CYP7B1: variants seen among roughly 807,000 people sequenced by gnomAD.
CYP7B1 encodes cytochrome P450 7B1.
In CYP7B1, 29 loss-of-function variants were observed where a neutral mutation model predicts 42.7. The ratio of observed to expected loss-of-function variants is 0.68; its 90% CI spans 0.51 to 0.93. The LOEUF is 0.93. Among genes scored for constraint, CYP7B1 ranks in the 40% least tolerant of loss-of-function variants. CYP7B1 has a pLI of 0.00. For missense variants in CYP7B1, 655 were observed against 600.5 expected (o/e 1.09, Z -0.95); for synonymous variants, 235 against 218.2 (o/e 1.08, Z -0.68).
chr8:64,597,033 T>A, intron 5 of CYP7B1, 104 bp from the exon 6 acceptor site: 1 of 1,025,400 alleles, frequency 9.8e-7, no homozygotes, highest in Non-Finnish European at 1.4e-6. Context: ...AAGCTCCTTT[T>A]AATCAGGTGA....
intron 1 of CYP7B1, among the ~76,000 whole-genome samples, chr8:64,676,125 T>C (rs572643595): frequency 6.6e-6 from 1 of 152,250 alleles, no homozygotes; most frequent in East Asian, 1.9e-4. Context: ...ACCCATATCT[T>C]ACTTAATATT....
chr8:64,733,064 A>T (rs1807437298), intron 1 of CYP7B1: 1 of 154,098 alleles, frequency 6.5e-6, no homozygotes, highest in Non-Finnish European at 1.4e-5. Flanking sequence ...ATATTTGTAT[A>T]AGAGTCATAT....
chr8:64,667,483 T>C (rs1009691391), intron 1 of CYP7B1, among the ~76,000 whole-genome samples: 4 of 152,168 alleles, frequency 2.6e-5, no homozygotes, highest in Admixed American at 2.0e-4. Context: ...AAACAAATGC[T>C]TTGGGACCTG....
At chr8:64,643,126 T>TATACATATATAC (rs1239120557) in intron 1 of CYP7B1, among the ~76,000 whole-genome samples, 2 of 84,012 alleles carry the variant, frequency 2.4e-5, no homozygotes, top group Non-Finnish European at 4.6e-5. Flanking sequence ...TATACATATA[T>TATACATATATAC]ACATATATAT....
At position 64,741,620 on chromosome 8, in the gene CYP7B1, C is replaced by A. The variant is rs533193008; in HGVS notation, c.122+56846G>T. Reference sequence around the variant, plus strand: ...GGCATGAGCCATCGTGCCCAGCCCCCAAAAATTCTTAAACAAATAATCAAT... The same window carrying A: ...GGCATGAGCCATCGTGCCCAGCCCCAAAAAATTCTTAAACAAATAATCAAT... On this transcript the variant is annotated intron_variant, in intron 1 of 5. Coordinates refer to ENST00000310193, the MANE Select transcript of CYP7B1 (RefSeq NM_004820.5). 3.9e-5 allele frequency among the ~76,000 whole-genome samples: 6 copies of A among 152,152 alleles called. No individual in the cohort carries two copies. In the East Asian group the frequency reaches 7.7e-4, roughly 20 times the overall value.
intron 5 of CYP7B1, among the ~76,000 whole-genome samples, chr8:64,599,780 G>A (rs1313582229): frequency 6.6e-6 from 1 of 152,156 alleles, no homozygotes. Context: ...GGACATCTAG[G>A]AGAAGTCCCC....
intron 1 of CYP7B1, among the ~76,000 whole-genome samples, chr8:64,653,206 C>T (rs904637123): frequency 3.9e-5 from 6 of 151,990 alleles, no homozygotes; most frequent in Non-Finnish European, 8.8e-5. Flanking sequence ...TCAATGAATC[C>T]AGGAGTTGGT....
chr8:64,622,765 G>C (rs2129630387), intron 2 of CYP7B1, among the ~76,000 whole-genome samples: 1 of 152,322 alleles, frequency 6.6e-6, no homozygotes, highest in African/African-American at 2.4e-5. Context: ...CAAGAAGAAA[G>C]GGTCATGGGG....
chr8:64,601,449 C>T (rs970947779), intron 5 of CYP7B1, among the ~76,000 whole-genome samples: 12 of 152,160 alleles, frequency 7.9e-5, no homozygotes, highest in African/African-American at 2.2e-4. Flanking sequence ...GGAAAGCCAA[C>T]GAACAGATTT....
intron 4 of CYP7B1, among the ~76,000 whole-genome samples, chr8:64,607,240 C>T (rs1194816838): frequency 2.0e-5 from 3 of 152,026 alleles, no homozygotes; most frequent in Admixed American, 6.6e-5. Context: ...GAAAGAGAAG[C>T]CAGGTTTTTA....
At chr8:64,647,383 G>A (rs139574390) in intron 1 of CYP7B1, among the ~76,000 whole-genome samples, 57 of 151,686 alleles carry the variant, frequency 3.8e-4, no homozygotes, top group Non-Finnish European at 7.2e-4. Context: ...ACATGGTGTT[G>A]CAAAAAAAAA....
At position 64,625,693 on chromosome 8, in the gene CYP7B1, C is replaced by T. The variant is rs560309306; in HGVS notation, c.123-1154G>A. On this transcript the variant is annotated intron_variant, in intron 1 of 5. Transcript: ENST00000310193. ...TAGTCAAACTGCTTGTCAGAAATCA[C>T]CTAAACAATGTCAATTACTGATTAT... Among the ~76,000 whole-genome samples the T allele has an allele frequency of 2.0e-5, 3 of 152,274 alleles. No homozygotes were observed. The South Asian group carries it at 6.2e-4, about 32-fold the overall frequency.
chr8:64,668,363 G>A (rs969875656), intron 1 of CYP7B1, among the ~76,000 whole-genome samples: 10 of 151,996 alleles, frequency 6.6e-5, no homozygotes, highest in African/African-American at 2.4e-4. Flanking sequence ...TATATAATAT[G>A]AATGTGTCAT....
intron 1 of CYP7B1, among the ~76,000 whole-genome samples, chr8:64,733,193 G>A (rs1422177187): frequency 6.6e-6 from 1 of 152,062 alleles, no homozygotes; most frequent in Non-Finnish European, 1.5e-5. Flanking sequence ...TTTTTTCAGG[G>A]GCACAGTAAC....
At chr8:64,601,215 A>G (rs185007379) in intron 5 of CYP7B1, among the ~76,000 whole-genome samples, 121 of 152,356 alleles carry the variant, frequency 7.9e-4, no homozygotes, top group African/African-American at 2.5e-3. Flanking sequence ...AACTATAAGA[A>G]GTAGATAGGG....
intron 1 of CYP7B1, among the ~76,000 whole-genome samples, chr8:64,687,449 G>T (rs955747870): frequency 4.6e-5 from 7 of 152,208 alleles, no homozygotes; most frequent in African/African-American, 1.7e-4. Flanking sequence ...TGCCAACAGA[G>T]TTTTTTCTGG....
rs1403477349 is a variant in CYP7B1, at chr8:64,594,447, CAAGAT to C, written c.*2190_*2194del. On this transcript the variant is annotated 3_prime_UTR_variant, in exon 6 of 6. Coordinates refer to ENST00000310193, the MANE Select transcript of CYP7B1 (RefSeq NM_004820.5). ...ATATAACTTACAGAAAATAGGTACT[CAAGAT>C]AATATATGTTACATGAAAACATATA... is the stretch of plus-strand genomic sequence containing the variant. Among the ~76,000 whole-genome samples the C allele has an allele frequency of 1.3e-5, 2 of 151,988 alleles. No homozygotes were observed. The highest frequency in any genetic ancestry group is 2.4e-5 in the African/African-American group (1 of 41,368).
chr8:64,696,929 C>T (rs918042089), intron 1 of CYP7B1, among the ~76,000 whole-genome samples: 1 of 152,130 alleles, frequency 6.6e-6, no homozygotes, highest in Non-Finnish European at 1.5e-5. Flanking sequence ...GTTTCTTGTA[C>T]ATTTCTGGAA....
chr8:64,795,338 G>A (rs902329071), intron 1 of CYP7B1, among the ~76,000 whole-genome samples: 4 of 152,150 alleles, frequency 2.6e-5, no homozygotes, highest in South Asian at 2.1e-4. Context: ...CTCTTTCTCC[G>A]CCAGGCTCAG....
Sources: allele counts gnomAD v4.1 joint callset (sites outside exome capture counted in the v4.1 genomes callset), GRCh38; gene constraint gnomAD v4.1.1; transcripts MANE v1.5; gene names NCBI Gene and HGNC (gene_info 2026-07-23, HGNC 2026-07-21).